ZNF516: variants seen among roughly 807,000 people sequenced by gnomAD.
The protein encoded by ZNF516 is zinc finger protein 516.
ZNF516 carries 19 observed loss-of-function variants against 79.7 expected under a neutral mutation model. The observed-to-expected ratio is 0.24, with a 90% CI of 0.17 to 0.35. The LOEUF (loss-of-function observed/expected upper bound fraction) is 0.35. Among genes scored for constraint, ZNF516 ranks in the 10% least tolerant of loss-of-function variants. ZNF516 has a pLI of 1.00. For missense variants in ZNF516, 1,678 were observed against 1,679.5 expected (o/e 1.00, Z 0.02); for synonymous variants, 877 against 739.5 (o/e 1.19, Z -3.02).
chr18:76,482,380 T>C (rs867059861), intron 1 of ZNF516, among the ~76,000 whole-genome samples: 1 of 152,242 alleles, frequency 6.6e-6, no homozygotes, highest in Admixed American at 6.5e-5. Context: ...CTTACACTTT[T>C]TCAACTTTAC....
intron 6 of ZNF516, among the ~76,000 whole-genome samples, chr18:76,362,906 G>T (rs186606817): frequency 5.3e-4 from 81 of 152,332 alleles, no homozygotes; most frequent in Non-Finnish European, 8.2e-4. Context: ...TTACAAGTTG[G>T]CAAGATGAGG....
intron 2 of ZNF516, among the ~76,000 whole-genome samples, chr18:76,448,763 C>T (rs1912218603): frequency 6.6e-6 from 1 of 152,054 alleles, no homozygotes. Flanking sequence ...TGCAAGGCCT[C>T]GTATCAGGAG....
chr18:76,401,667 C>A (rs1409335417), intron 3 of ZNF516, among the ~76,000 whole-genome samples: 1 of 150,914 alleles, frequency 6.6e-6, no homozygotes, highest in Non-Finnish European at 1.5e-5. Flanking sequence ...CAAGGTGAGC[C>A]CGGAGCACAA....
chr18:76,442,017 G>C lies in ZNF516; in HGVS notation c.1038C>G (p.Asn346Lys). 6.2e-7 allele frequency: 1 copy of C among 1,613,858 alleles called. No individual in the cohort carries two copies. ...CATTGTGGGCGTTCAAGCTGTCCAG[G>C]TTTGTAAACAGGTTCCCGCACTTGG... ...VCAKCGNLFT[N>K]LDSLNAHNAI... is the part of the protein sequence containing the mutation. The change falls in exon 3 of 7, where the codon AAC becomes AAG. Residue 346 changes from asparagine to lysine, a missense_variant. This residue lies in a region of ZNF516 where 1,294 missense variants were observed against 1,248.3 expected (regional missense o/e 1.04). Coordinates refer to ENST00000443185, the MANE Select transcript of ZNF516 (RefSeq NM_014643.4).
chr18:76,419,556 A>T (rs1045427390), intron 3 of ZNF516, among the ~76,000 whole-genome samples: 3 of 152,202 alleles, frequency 2.0e-5, no homozygotes, highest in Admixed American at 6.5e-5. Flanking sequence ...GTAGCTCCAT[A>T]ATTCCATCAT....
intron 4 of ZNF516, among the ~76,000 whole-genome samples, chr18:76,376,013 G>T (rs2074782437): frequency 6.6e-6 from 1 of 152,234 alleles, no homozygotes; most frequent in Non-Finnish European, 1.5e-5. Flanking sequence ...GGATAGATGG[G>T]TAGGCCCAAG....
At chr18:76,419,835 G>A (rs919048923) in intron 3 of ZNF516, among the ~76,000 whole-genome samples, 1 of 152,212 alleles carries the variant, frequency 6.6e-6, no homozygotes, top group Non-Finnish European at 1.5e-5. Context: ...AGCAGCATGA[G>A]AAGAGACTAA....
At chr18:76,445,665 T>G (rs1911999647) in intron 2 of ZNF516, among the ~76,000 whole-genome samples, 1 of 152,148 alleles carries the variant, frequency 6.6e-6, no homozygotes, top group Non-Finnish European at 1.5e-5. Flanking sequence ...TTGTACAGAC[T>G]CCCCTGGACC....
chr18:76,398,576 A>G (rs539660165), intron 3 of ZNF516, among the ~76,000 whole-genome samples: 1 of 152,278 alleles, frequency 6.6e-6, no homozygotes, highest in South Asian at 2.1e-4. Context: ...TAAGGAGGAG[A>G]GCAGGAAAGC....
chr18:76,469,650 T>C (rs1203927016), intron 1 of ZNF516, among the ~76,000 whole-genome samples: 1 of 152,182 alleles, frequency 6.6e-6, no homozygotes, highest in Non-Finnish European at 1.5e-5. Context: ...TAATTTAATG[T>C]TGGGATTAAA....
intron 1 of ZNF516, among the ~76,000 whole-genome samples, chr18:76,470,665 T>A (rs1599141189): frequency 6.6e-6 from 1 of 152,236 alleles, no homozygotes; most frequent in Admixed American, 6.5e-5. Flanking sequence ...AAGGACTTCT[T>A]ATCTATGATT....
rs1479731608 is a variant in ZNF516 at position 76,361,746 on chromosome 18, G to GCT, written c.*750_*751dup. 5 of 152,224 alleles carry GCT rather than the reference G, an allele frequency of 3.3e-5. No individual in the cohort carries two copies. Among genetic ancestry groups the GCT allele is most frequent in the African/African-American group, 1.2e-4 (5 of 41,454 alleles). The allele number at this position is 152,224 out of a possible 1,614,324, so 9.4% of individuals were successfully genotyped here. On this transcript the variant is annotated 3_prime_UTR_variant, in exon 7 of 7. Transcript: ENST00000443185. ...GCCTGCTTTTCTTAGTGTTGCGCTA[G>GCT]CTCTCTTCCGAGGCGGAATCTACGC...
chr18:76,466,438 C>T (rs777835209), intron 1 of ZNF516, among the ~76,000 whole-genome samples: 2 of 152,236 alleles, frequency 1.3e-5, no homozygotes, highest in Non-Finnish European at 2.9e-5. Context: ...GATGCTGGCA[C>T]GGAGGCCGAC....
In ZNF516 at chr18:76,443,072, C is replaced by T. The variant is rs1911819983; in HGVS notation, c.-18G>A. On this transcript the variant is annotated 5_prime_UTR_variant, in exon 3 of 7. Transcript: ENST00000443185. ...CGATCCATCCGAAGGACGGGCGCGG[C>T]CGGTGGTGGCGGCACAGCTTTCTGT... 1.9e-6 allele frequency: 3 copies of T among 1,561,776 alleles called. No homozygotes were observed. The East Asian group carries it at 7.0e-5, about 36-fold the overall frequency.
At chr18:76,387,498 A>G (rs1284131280) in intron 3 of ZNF516, 2 of 152,184 alleles carry the variant, frequency 1.3e-5, no homozygotes, top group Non-Finnish European at 2.9e-5. Context: ...TAAAATACAA[A>G]TTGTTTTAAT....
rs1028861522 is a variant in ZNF516 at position 76,418,497 on chromosome 18, G to A, written c.1810+22748C>T. ...AACATGCTGTAACACACTAACATAC[G>A]CTGTAACACGCACTGTAACACACTA... On this transcript the variant is annotated intron_variant, in intron 3 of 6. Transcript: ENST00000443185. Among the ~76,000 whole-genome samples, 11 of 151,342 alleles carry A rather than the reference G, an allele frequency of 7.3e-5. No individual in the cohort carries two copies. In the South Asian group the frequency reaches 1.3e-3, roughly 17 times the overall value.
intron 3 of ZNF516, among the ~76,000 whole-genome samples, chr18:76,418,142 C>G (rs1326021875): frequency 5.3e-5 from 8 of 152,156 alleles, no homozygotes; most frequent in African/African-American, 1.9e-4. Flanking sequence ...ACAACATACA[C>G]AGTAACATAC....
intron 2 of ZNF516, among the ~76,000 whole-genome samples, chr18:76,449,124 C>T (rs568283278): frequency 1.3e-3 from 201 of 152,270 alleles, no homozygotes; most frequent in Non-Finnish European, 2.3e-3. Context: ...ACTCTTGAAT[C>T]CATGTGCCCA....
intron 1 of ZNF516, among the ~76,000 whole-genome samples, chr18:76,489,864 C>T (rs1053790308): frequency 2.0e-5 from 3 of 152,202 alleles, no homozygotes; most frequent in Non-Finnish European, 4.4e-5. Flanking sequence ...TCCCATCTCT[C>T]TGCATTGTTG....
Sources: gnomAD v4.1 joint callset for allele counts (sites outside exome capture counted in the v4.1 genomes callset) on GRCh38, gnomAD v4.1.1 for gene constraint, gnomAD v4.1.1 regional missense constraint, MANE v1.5 for transcripts, NCBI Gene and HGNC (gene_info 2026-07-23, HGNC 2026-07-21) for gene names.